The following TSPAN5 variants were observed in gnomAD, a reference collection of about 807,000 sequenced individuals.
TSPAN5 encodes tetraspanin-5.
In TSPAN5, 10 loss-of-function variants were observed where a neutral mutation model predicts 37.1. That is an observed-to-expected ratio of 0.27 (90% CI 0.17 to 0.46). The LOEUF (loss-of-function observed/expected upper bound fraction) is 0.46, where lower values mean the gene tolerates loss of function less well. Ranked by LOEUF, TSPAN5 falls within the 20% of genes least tolerant of loss-of-function variation. The probability of loss-of-function intolerance (pLI) is 1.00; values close to 1 mark genes in which losing one functional copy is unlikely to be tolerated. For missense variants in TSPAN5, 195 were observed against 326.6 expected (o/e 0.60, Z 3.11); for synonymous variants, 110 against 118.9 (o/e 0.93, Z 0.48).
intron 1 of TSPAN5, among the ~76,000 whole-genome samples, chr4:98,610,386 G>A (rs1296116432): frequency 6.6e-6 from 1 of 152,154 alleles, no homozygotes; most frequent in Non-Finnish European, 1.5e-5. Context: ...TGCTCTTTGG[G>A]GGACACATTC....
chr4:98,575,543 C>A (rs574611073), intron 1 of TSPAN5, among the ~76,000 whole-genome samples: 4 of 151,968 alleles, frequency 2.6e-5, no homozygotes, highest in Non-Finnish European at 5.9e-5. Context: ...GCTAACGAGA[C>A]GTCTGTGGTT....
chr4:98,517,065 A>G (rs921927570), intron 1 of TSPAN5, among the ~76,000 whole-genome samples: 1 of 152,258 alleles, frequency 6.6e-6, no homozygotes, highest in Non-Finnish European at 1.5e-5. Context: ...GTCCTAAGAC[A>G]TAAATAAGAG....
At chr4:98,498,221 G>A (rs1753260790) in intron 2 of TSPAN5, among the ~76,000 whole-genome samples, 1 of 152,140 alleles carries the variant, frequency 6.6e-6, no homozygotes, top group African/African-American at 2.4e-5. Context: ...CAGACACAGA[G>A]AGGAACTAAC....
chr4:98,472,490 T>A lies in TSPAN5; in HGVS notation c.*32A>T. ...GGGAGGGTCCCGAAAGCTGGGTCTG[T>A]CCAGTGTCTTGCAGCAGCGGTTGCA... On this transcript the variant is annotated 3_prime_UTR_variant, in exon 8 of 8. Coordinates refer to ENST00000305798, the MANE Select transcript of TSPAN5 (RefSeq NM_005723.4). 6.2e-7 allele frequency: 1 copy of A among 1,611,180 alleles called. No homozygotes were observed. Among genetic ancestry groups the A allele is most frequent in the Non-Finnish European group, 8.5e-7 (1 of 1,177,778 alleles).
At chr4:98,476,077 A>C (rs1752688700) in intron 7 of TSPAN5, 112 bp downstream of exon 7, 4 of 749,662 alleles carry the variant, frequency 5.3e-6, no homozygotes, top group African/African-American at 5.2e-5. Context: ...CAGCCCTCCA[A>C]TGTGTCTTAA....
chr4:98,534,749 C>T (rs6815038), intron 1 of TSPAN5, among the ~76,000 whole-genome samples: 118,632 of 152,208 alleles, frequency 0.78, 47,020 homozygotes, highest in African/African-American at 0.93. Flanking sequence ...CTTGCTGCAT[C>T]GATCCCTTTA....
intron 2 of TSPAN5, among the ~76,000 whole-genome samples, chr4:98,491,113 G>GTA (rs1753076536): frequency 1.3e-5 from 2 of 152,110 alleles, no homozygotes; most frequent in Non-Finnish European, 2.9e-5. Flanking sequence ...TGAGGTGCGT[G>GTA]TATATATAAA....
At chr4:98,557,271 A>T (rs949909690) in intron 1 of TSPAN5, among the ~76,000 whole-genome samples, 1 of 152,226 alleles carries the variant, frequency 6.6e-6, no homozygotes, top group African/African-American at 2.4e-5. Context: ...AATGACACTA[A>T]ATCAACTGAA....
At chr4:98,601,852 G>C (rs7670467) in intron 1 of TSPAN5, among the ~76,000 whole-genome samples, 12,495 of 152,158 alleles carry the variant, frequency 0.082, 550 homozygotes, top group South Asian at 0.1. Context: ...GATTTAAAGT[G>C]AGAGACATGT....
chr4:98,565,359 C>G (rs1160860444), intron 1 of TSPAN5, among the ~76,000 whole-genome samples: 1 of 152,104 alleles, frequency 6.6e-6, no homozygotes, highest in Non-Finnish European at 1.5e-5. Flanking sequence ...ATTTATCTGT[C>G]CATTTCCTAA....
intron 1 of TSPAN5, among the ~76,000 whole-genome samples, chr4:98,654,212 G>T (rs1477420278): frequency 6.6e-6 from 1 of 152,208 alleles, no homozygotes; most frequent in Non-Finnish European, 1.5e-5. Flanking sequence ...CTGTCCAGAT[G>T]AGCCTGGCCA....
At chr4:98,598,325 C>T (rs1324417606) in intron 1 of TSPAN5, among the ~76,000 whole-genome samples, 5 of 145,208 alleles carry the variant, frequency 3.4e-5, no homozygotes, top group Admixed American at 2.1e-4. Flanking sequence ...CACTGGCCTG[C>T]GCCCACTGTC....
At chr4:98,476,051 G>A (rs903102199) in intron 7 of TSPAN5, 138 bp downstream of exon 7, 11 of 569,912 alleles carry the variant, frequency 1.9e-5, no homozygotes, top group African/African-American at 7.4e-5. Flanking sequence ...AAACCAAATC[G>A]TTTAGGTCTG....
At chr4:98,637,757 A>G (rs985692104) in intron 1 of TSPAN5, among the ~76,000 whole-genome samples, 3 of 152,242 alleles carry the variant, frequency 2.0e-5, no homozygotes, top group Non-Finnish European at 2.9e-5. Flanking sequence ...CATTAACTGC[A>G]TAACTTAATT....
At chr4:98,492,626 T>A (rs1753109364) in intron 2 of TSPAN5, among the ~76,000 whole-genome samples, 1 of 152,138 alleles carries the variant, frequency 6.6e-6, no homozygotes, top group African/African-American at 2.4e-5. Flanking sequence ...AATGTGGGTA[T>A]AGGGAGCAAA....
rs937020952 is a variant in TSPAN5, at chr4:98,478,638, C to T, written c.576+47G>A. On this transcript the variant is annotated intron_variant, in intron 5 of 7. Coordinates refer to ENST00000305798, the MANE Select transcript of TSPAN5 (RefSeq NM_005723.4). The stretch of plus-strand genomic sequence containing the variant: ...ACTCTGCTCGTCCCATGCACACTCT[C>T]GGCATGATGTACAGAGTAGGCCAAT... 1.2e-5 allele frequency: 19 copies of T among 1,612,018 alleles called. No individual in the cohort carries two copies. In the African/African-American group the frequency reaches 1.6e-4, roughly 14 times the overall value.
intron 1 of TSPAN5, among the ~76,000 whole-genome samples, chr4:98,613,365 G>A (rs1187564004): frequency 6.6e-6 from 1 of 152,094 alleles, no homozygotes; most frequent in East Asian, 1.9e-4. Flanking sequence ...GGTATTTCCA[G>A]ATATGTTTAC....
At position 98,643,009 on chromosome 4, in the gene TSPAN5, T is replaced by C. The variant is rs959984757; in HGVS notation, c.81+15137A>G. Among the ~76,000 whole-genome samples the C allele has an allele frequency of 2.0e-5, 3 of 152,214 alleles. No homozygotes were observed. The East Asian group carries it at 5.8e-4, about 29-fold the overall frequency. On this transcript the variant is annotated intron_variant, in intron 1 of 7. Coordinates refer to ENST00000305798, the MANE Select transcript of TSPAN5 (RefSeq NM_005723.4). Reference sequence around the variant, plus strand: ...AATTTAATGTAGCCTAAGTATAGTGTTAATGTAGTCTGCATTTGTGTACAG... The same window carrying C: ...AATTTAATGTAGCCTAAGTATAGTGCTAATGTAGTCTGCATTTGTGTACAG...
intron 1 of TSPAN5, among the ~76,000 whole-genome samples, chr4:98,632,303 A>G (rs1406989675): frequency 6.6e-6 from 1 of 152,050 alleles, no homozygotes; most frequent in African/African-American, 2.4e-5. Context: ...AAGAAGATAA[A>G]TTATCTTCAG....
Sources: allele counts gnomAD v4.1 joint callset (sites outside exome capture counted in the v4.1 genomes callset), GRCh38; gene constraint gnomAD v4.1.1; transcripts MANE v1.5; gene names NCBI Gene and HGNC (gene_info 2026-07-23, HGNC 2026-07-21).